The following VTI1A variants were observed in gnomAD, a reference collection of about 807,000 sequenced individuals.
The protein encoded by VTI1A is vesicle transport through interaction with t-SNAREs homolog 1A.
VTI1A carries 22 observed loss-of-function variants against 34.9 expected under a neutral mutation model. That is an observed-to-expected ratio of 0.63 (90% CI 0.45 to 0.90). The LOEUF (loss-of-function observed/expected upper bound fraction) is 0.90. Among genes scored for constraint, VTI1A ranks in the 40% least tolerant of loss-of-function variants. The pLI is 0.00. For synonymous variants in VTI1A, 87 were observed against 97.3 expected (o/e 0.89, Z 0.62); for missense variants, 268 against 275.6 (o/e 0.97, Z 0.20).
chr10:112,804,909 G>T (rs1853018323), intron 7 of VTI1A, among the ~76,000 whole-genome samples: 1 of 129,830 alleles, frequency 7.7e-6, no homozygotes, highest in Non-Finnish European at 1.6e-5. Context: ...CTCCCAGACT[G>T]GAATGCAGTC....
chr10:112,851,466 C>T, the VTI1A span, among the ~76,000 whole-genome samples: 23 of 152,186 alleles, frequency 1.5e-4, no homozygotes, highest in Non-Finnish European at 2.2e-4. Flanking sequence ...TCTGTCTACA[C>T]GCTGAACCCC....
rs370313058 is a variant in VTI1A, at chr10:112,737,773, C to CA, written c.560+68786dup. ...CCTCTCAGGACATACTTCTGGAGAT[C>CA]AAAAAAAAAAATTACAAATTGATGA... On this transcript the variant is annotated intron_variant, in intron 7 of 7. Transcript: ENST00000393077. 3,141 of 841,800 alleles carry CA rather than the reference C, an allele frequency of 3.7e-3. 7 individuals carry two copies. Among genetic ancestry groups the CA allele is most frequent in the African/African-American group, 0.014 (745 of 55,140 alleles). 52.1% of individuals were successfully genotyped at this position (841,800 alleles called of 1,614,324 possible).
At chr10:112,692,240 A>G (rs1340304835) in intron 7 of VTI1A, among the ~76,000 whole-genome samples, 5 of 152,222 alleles carry the variant, frequency 3.3e-5, no homozygotes, top group Admixed American at 3.3e-4. Flanking sequence ...TTAATTACAG[A>G]CGGTATAACA....
chr10:112,827,633 C>G, the VTI1A span: 1 of 152,066 alleles, frequency 6.6e-6, no homozygotes, highest in Non-Finnish European at 1.5e-5. Flanking sequence ...AAATGTGGCT[C>G]TACATATCGT....
the VTI1A span, chr10:112,826,255 AGT>A: frequency 6.6e-6 from 1 of 152,208 alleles, no homozygotes; most frequent in Non-Finnish European, 1.5e-5. Flanking sequence ...TTTAGAAACC[AGT>A]GTGTGGTGCC....
At chr10:112,573,057 G>A (rs1490773806) in intron 5 of VTI1A, among the ~76,000 whole-genome samples, 1 of 151,854 alleles carries the variant, frequency 6.6e-6, no homozygotes, top group African/African-American at 2.4e-5. Flanking sequence ...TAGTGCTTTA[G>A]GTTTATTCAG....
At chr10:112,623,463 T>G (rs1845806463) in intron 5 of VTI1A, among the ~76,000 whole-genome samples, 1 of 148,792 alleles carries the variant, frequency 6.7e-6, no homozygotes. Context: ...GCCAGAACTC[T>G]CTGAATCTTT....
In VTI1A at chr10:112,665,709, A is replaced by G. The variant is rs549372418; in HGVS notation, c.428-2509A>G. Among the ~76,000 whole-genome samples the G allele has an allele frequency of 2.2e-4, 33 of 152,160 alleles. 1 individual carries two copies. Among genetic ancestry groups the G allele is most frequent in the Non-Finnish European group, 2.9e-5 (2 of 68,026 alleles). On this transcript the variant is annotated intron_variant, in intron 5 of 7. Coordinates refer to ENST00000393077, the MANE Select transcript of VTI1A (RefSeq NM_145206.4). ...GCGAACCTGATAGAAGGATGAATCT[A>G]TTACCTGCTTTCTGATGTTGACTTC...
intron 5 of VTI1A, among the ~76,000 whole-genome samples, chr10:112,656,082 T>G (rs1183424489): frequency 6.6e-6 from 1 of 151,098 alleles, no homozygotes; most frequent in Non-Finnish European, 1.5e-5. Context: ...TTTGTCAAGT[T>G]TCTGTTGTCA....
intron 5 of VTI1A, among the ~76,000 whole-genome samples, chr10:112,608,152 C>A (rs984519756): frequency 6.6e-6 from 1 of 152,172 alleles, no homozygotes; most frequent in Non-Finnish European, 1.5e-5. Context: ...CAGACACTCA[C>A]GTTACAGCTT....
At chr10:112,546,032 GTA>G (rs1276117100) in intron 5 of VTI1A, among the ~76,000 whole-genome samples, 2 of 145,676 alleles carry the variant, frequency 1.4e-5, no homozygotes, top group Admixed American at 6.7e-5. Flanking sequence ...GTGTATACGC[GTA>G]TGTGTGTGTA....
At chr10:112,470,418 T>C (rs1319567157) in intron 3 of VTI1A, among the ~76,000 whole-genome samples, 1 of 152,198 alleles carries the variant, frequency 6.6e-6, no homozygotes, top group Non-Finnish European at 1.5e-5. Context: ...CTGAAGCTTT[T>C]ATACTGTAGT....
chr10:112,463,384 T>C (rs963435275), intron 2 of VTI1A, among the ~76,000 whole-genome samples: 2 of 152,306 alleles, frequency 1.3e-5, no homozygotes, highest in Middle Eastern at 3.4e-3. Context: ...ATTATAAGAA[T>C]TGCCTCATTT....
chr10:112,634,580 A>G (rs1242491654), intron 5 of VTI1A, among the ~76,000 whole-genome samples: 1 of 151,404 alleles, frequency 6.6e-6, no homozygotes, highest in African/African-American at 2.4e-5. Context: ...TTGAAACTAA[A>G]TGTGATCTGT....
At chr10:112,537,311 G>GTATATCTATATATATATATATATATA (rs1850673012) in intron 4 of VTI1A, among the ~76,000 whole-genome samples, 1 of 65,222 alleles carries the variant, frequency 1.5e-5, no homozygotes, top group Non-Finnish European at 3.6e-5. Context: ...AAGTATCTAG[G>GTATATCTATATATATATATATATATA]TATATATATA....
intron 7 of VTI1A, among the ~76,000 whole-genome samples, chr10:112,686,669 A>G (rs1046201953): frequency 2.0e-5 from 3 of 152,176 alleles, no homozygotes; most frequent in African/African-American, 7.2e-5. Context: ...GCCATTTCAA[A>G]TACTGCCTCG....
At chr10:112,505,178 G>A (rs1436101918) in intron 3 of VTI1A, among the ~76,000 whole-genome samples, 1 of 151,916 alleles carries the variant, frequency 6.6e-6, no homozygotes, top group African/African-American at 2.4e-5. Flanking sequence ...TATGCTTTTA[G>A]AGTCATAGTT....
At chr10:112,648,798 T>C (rs188034861) in intron 5 of VTI1A, among the ~76,000 whole-genome samples, 4 of 152,302 alleles carry the variant, frequency 2.6e-5, no homozygotes, top group African/African-American at 9.6e-5. Flanking sequence ...AGAAGTTTCA[T>C]AGGAGATAAA....
chr10:112,513,002 G>T (rs12780297), intron 3 of VTI1A, among the ~76,000 whole-genome samples: 58,024 of 151,880 alleles, frequency 0.38, 12,945 homozygotes, highest in Non-Finnish European at 0.51. Flanking sequence ...TTTTGCTCAG[G>T]ATTGCTTTGG....
Sources: gnomAD v4.1 joint callset for allele counts (sites outside exome capture counted in the v4.1 genomes callset) on GRCh38, gnomAD v4.1.1 for gene constraint, MANE v1.5 for transcripts, NCBI Gene and HGNC (gene_info 2026-07-23, HGNC 2026-07-21) for gene names.